The following GCN1 variants were observed in gnomAD, a reference collection of about 807,000 sequenced individuals.
The protein encoded by GCN1 is GCN1 activator of EIF2AK4.
GCN1 carries 90 observed loss-of-function variants against 288.4 expected under a neutral mutation model. The ratio of observed to expected loss-of-function variants is 0.31; its 90% CI spans 0.26 to 0.37. The LOEUF (loss-of-function observed/expected upper bound fraction) is 0.37. Ranked by LOEUF, GCN1 falls within the 10% of genes least tolerant of loss-of-function variation. The pLI, the probability that GCN1 is intolerant of heterozygous loss-of-function variation, is 1.00. For missense variants in GCN1, 2,586 were observed against 3,419.9 expected (o/e 0.76, Z 6.08); for synonymous variants, 1,386 against 1,420.2 (o/e 0.98, Z 0.54).
chr12:120,192,767 G>A (rs1001923820), intron 1 of GCN1, among the ~76,000 whole-genome samples: 1 of 151,418 alleles, frequency 6.6e-6, no homozygotes, highest in Non-Finnish European at 1.5e-5. Flanking sequence ...AGACAAGGCC[G>A]GGCATGGTGG....
Position 120,158,705 on chromosome 12 carries a change from C to T in GCN1, c.2750-90G>A, listed in dbSNP as rs1566308452. ...AAAACAGGGGACCCAGTGCCTCATC[C>T]TTCTGACTTAAAAAAATATTTCTGC... On this transcript the variant is annotated intron_variant, in intron 24 of 57. Coordinates refer to ENST00000300648, the MANE Select transcript of GCN1 (RefSeq NM_006836.2). The surrounding 1 kb of genome is among the most constrained non-coding windows in gnomAD (Gnocchi z 4.3). 3 of 1,117,790 alleles carry T rather than the reference C, an allele frequency of 2.7e-6. No individual in the cohort carries two copies. The highest frequency in any genetic ancestry group is 1.6e-5 in the South Asian group (1 of 62,078). The allele number at this position is 1,117,790 out of a possible 1,614,324, so 69.2% of individuals were successfully genotyped here.
chr12:120,176,581 A>G (rs1878488468), intron 9 of GCN1, among the ~76,000 whole-genome samples: 1 of 152,142 alleles, frequency 6.6e-6, no homozygotes, highest in Admixed American at 6.6e-5. Context: ...GGGTAAGAGG[A>G]TATTTTGTTT....
At chr12:120,183,545 A>C (rs2139140381) in intron 5 of GCN1, 24 bp downstream of exon 5, 1 of 1,376,524 alleles carries the variant, frequency 7.3e-7, no homozygotes, top group East Asian at 2.3e-5. Context: ...GACCCTTGCT[A>C]CTTCAGAGAC....
At chr12:120,136,804 G>C (rs1877019223) in intron 50 of GCN1, 72 bp from the exon 51 acceptor site, 2 of 1,124,690 alleles carry the variant, frequency 1.8e-6, no homozygotes, top group Non-Finnish European at 1.3e-6. Context: ...TGCAAGCAAA[G>C]TGGTCCTGAC....
Position 120,161,587 on chromosome 12 carries a change from A to C in GCN1, c.2343-4T>G. 6.2e-7 allele frequency: 1 copy of C among 1,607,830 alleles called. No homozygotes were observed. Among genetic ancestry groups the C allele is most frequent in the South Asian group, 1.1e-5 (1 of 90,952 alleles). ...TTTTATGCTGTCCTGCTGGGCACTG[A>C]AACACCAGAGTGGGTCATCAGCCAG... On this transcript the variant is annotated splice_polypyrimidine_tract_variant and splice_region_variant and intron_variant, in intron 21 of 57. Coordinates refer to ENST00000300648, the MANE Select transcript of GCN1 (RefSeq NM_006836.2).
intron 26 of GCN1, chr12:120,157,206 T>G (rs1877778312): frequency 4.0e-6 from 2 of 499,278 alleles, no homozygotes; most frequent in East Asian, 6.6e-5. Flanking sequence ...TTCTGAAACT[T>G]GCTTGAAATT....
Position 120,158,770 on chromosome 12 carries a change from T to C in GCN1, c.2750-155A>G, listed in dbSNP as rs1042529095. On this transcript the variant is annotated intron_variant, in intron 24 of 57. Transcript: ENST00000300648. The surrounding 1 kb of genome is among the most constrained non-coding windows in gnomAD (Gnocchi z 4.3). Reference sequence around the variant, plus strand: ...GCTGATGCCTGTAATCCCAGCACTTTGGGAGGCCGAGGCGGGCGGATCATG... The same window carrying C: ...GCTGATGCCTGTAATCCCAGCACTTCGGGAGGCCGAGGCGGGCGGATCATG... 1.3e-5 allele frequency among the ~76,000 whole-genome samples: 2 copies of C among 152,154 alleles called. No individual in the cohort carries two copies. Among genetic ancestry groups the C allele is most frequent in the Non-Finnish European group, 2.9e-5 (2 of 68,038 alleles).
chr12:120,161,628 A>G (rs1465258550), intron 21 of GCN1, 45 bp from the exon 22 acceptor site: 1 of 1,402,002 alleles, frequency 7.1e-7, no homozygotes, highest in South Asian at 1.2e-5. Context: ...AAAGCACCGC[A>G]AGTCCTGTCA....
chr12:120,168,389 T>C lies in GCN1; in HGVS notation c.1520-89A>G. 3.6e-6 allele frequency: 3 copies of C among 827,926 alleles called. No individual in the cohort carries two copies. In the East Asian group the frequency reaches 7.3e-5, roughly 20 times the overall value. 51.3% of individuals were successfully genotyped at this position (827,926 alleles called of 1,614,324 possible). On this transcript the variant is annotated intron_variant, in intron 15 of 57. Coordinates refer to ENST00000300648, the MANE Select transcript of GCN1 (RefSeq NM_006836.2). ...CATCCTGAAGCTGCTGGGGTGGGCTTTGCTGACAAACCCTCCTCTGCAGCA... is the reference window on the plus strand; with the variant it reads ...CATCCTGAAGCTGCTGGGGTGGGCTCTGCTGACAAACCCTCCTCTGCAGCA...
At position 120,153,964 on chromosome 12, in the gene GCN1, A is replaced by T. The variant is rs1206778463; in HGVS notation, c.3702-55T>A. On this transcript the variant is annotated intron_variant, in intron 31 of 57. Coordinates refer to ENST00000300648, the MANE Select transcript of GCN1 (RefSeq NM_006836.2). This position sits in a 1 kb window ranked among gnomAD's most constrained non-coding sequence, Gnocchi z 4.4. The stretch of plus-strand genomic sequence containing the variant: ...GGGCAGTCAGGGGGCCTCCTCTGCC[A>T]GTGGAACCTCTGCTGGTGCACGGCA... The T allele has an allele frequency of 4.1e-6, 6 of 1,479,512 alleles. No homozygotes were observed. In the Admixed American group the frequency reaches 1.1e-4, roughly 27 times the overall value. The allele number at this position is 1,479,512 out of a possible 1,614,324, so 91.6% of individuals were successfully genotyped here. A position where few individuals can be genotyped will look rare whatever the true frequency, so the allele number is the denominator to read the frequency against.
chr12:120,153,317 C>T lies in GCN1; in HGVS notation c.3958G>A (p.Val1320Met). 1 of 1,614,188 alleles carries T rather than the reference C, an allele frequency of 6.2e-7. No homozygotes were observed. Among genetic ancestry groups the T allele is most frequent in the Non-Finnish European group, 8.5e-7 (1 of 1,179,994 alleles). ...ASYDAVRQSV[V>M]VLMGSLAKHL... ...TTGGCCAGAGAGCCCATCAGGACCA[C>T]CACACTCTGTCGCACAGCATCATAG... The change falls in exon 33 of 58, where the codon GTG becomes ATG. Residue 1320 changes from valine (V) to methionine (M), a missense_variant. Around this residue, in one of 8 missense-constraint regions of GCN1, gnomAD observed 332 missense variants for 403.0 expected, o/e 0.82. Transcript: ENST00000300648. The surrounding 1 kb of genome is among the most constrained non-coding windows in gnomAD (Gnocchi z 4.4).
chr12:120,188,773 C>A (rs1049855622), intron 2 of GCN1, among the ~76,000 whole-genome samples: 4 of 150,360 alleles, frequency 2.7e-5, no homozygotes, highest in Admixed American at 2.0e-4. Context: ...GATATGAACC[C>A]GGGAAGCAGA....
intron 10 of GCN1, 75 bp from the exon 11 acceptor site, chr12:120,175,949 C>T (rs1304661180): frequency 2.0e-6 from 3 of 1,521,314 alleles, no homozygotes; most frequent in Non-Finnish European, 2.7e-6. Flanking sequence ...CTTTTCCATG[C>T]CCCCATCTCT....
At chr12:120,171,237 G>A (rs1002931031) in intron 14 of GCN1, among the ~76,000 whole-genome samples, 2 of 151,928 alleles carry the variant, frequency 1.3e-5, no homozygotes, top group South Asian at 2.1e-4. Context: ...AGGCTGAGGC[G>A]AGCAGATCAC....
rs989391667 is a variant in GCN1 at position 120,137,889 on chromosome 12, C to A, written c.6393+12G>T. The A allele has an allele frequency of 1.9e-6, 3 of 1,613,914 alleles. No individual in the cohort carries two copies. Among genetic ancestry groups the A allele is most frequent in the East Asian group, 2.2e-5 (1 of 44,892 alleles). ...CGGGACATGAGAAAGCAGGAGCAGG[C>A]TCGCCCCTTACCAGCTGCTCATCTG... is the stretch of plus-strand genomic sequence containing the variant. On this transcript the variant is annotated intron_variant, in intron 48 of 57. Coordinates refer to ENST00000300648, the MANE Select transcript of GCN1 (RefSeq NM_006836.2). The surrounding 1 kb of genome is among the most constrained non-coding windows in gnomAD (Gnocchi z 5.2).
At chr12:120,170,719 T>C (rs1878287661) in intron 14 of GCN1, among the ~76,000 whole-genome samples, 1 of 152,032 alleles carries the variant, frequency 6.6e-6, no homozygotes, top group African/African-American at 2.4e-5. Context: ...GGTGTGTTGC[T>C]CAAGGTCACA....
chr12:120,169,276 CAAAAAAAA>C lies in GCN1; in HGVS notation c.1519+885_1519+892del, dbSNP rs35819206. ...TGGGCGACAGAGCGAAACTCCGTCT[CAAAAAAAA>C]AAAAAAAAAAAGAAAAAAAAAAAAG... On this transcript the variant is annotated intron_variant, in intron 15 of 57. Coordinates refer to ENST00000300648, the MANE Select transcript of GCN1 (RefSeq NM_006836.2). 6.0e-5 allele frequency among the ~76,000 whole-genome samples: 4 copies of C among 66,674 alleles called. No homozygotes were observed. The South Asian group carries it at 1.6e-3, about 27-fold the overall frequency. 43.7% of individuals were successfully genotyped at this position (66,674 alleles called of 152,430 possible). A position where few individuals can be genotyped will look rare whatever the true frequency, so the allele number is the denominator to read the frequency against.
Position 120,158,466 on chromosome 12 carries a change from C to G in GCN1, c.2899G>C (p.Glu967Gln). 6.4e-7 allele frequency: 1 copy of G among 1,550,580 alleles called. No individual in the cohort carries two copies. Among genetic ancestry groups the G allele is most frequent in the Non-Finnish European group, 8.7e-7 (1 of 1,146,584 alleles). Residue 967 changes from glutamate to glutamine, a missense_variant, in exon 25 of 58, where the codon GAG (glutamate) becomes CAG (glutamine). Physicochemically the swap from Glu to Gln is conservative, Grantham distance 29. Coordinates refer to ENST00000300648, the MANE Select transcript of GCN1 (RefSeq NM_006836.2). The surrounding 1 kb of genome is among the most constrained non-coding windows in gnomAD (Gnocchi z 4.3). ...HTITSRVGKG[E>Q]PGAAPLSAPA... Reference sequence around the variant, plus strand: ...ATCCCGTCCCAGCCCTTACCTGGCTCCCCCTTGCCCACCCTGCTGGTGATG... The same window carrying G: ...ATCCCGTCCCAGCCCTTACCTGGCTGCCCCTTGCCCACCCTGCTGGTGATG...
chr12:120,156,557 A>G lies in GCN1; in HGVS notation c.3216T>C (p.Gly1072=), dbSNP rs201075395. The G allele has an allele frequency of 2.2e-5, 35 of 1,613,874 alleles. No individual in the cohort carries two copies. Among genetic ancestry groups the G allele is most frequent in the Admixed American group, 2.2e-4 (13 of 60,010 alleles). Reference sequence around the variant, plus strand: ...GCTCTGCAAAGGCACAGCCATCATCACCACTGCTGCTGGCACACAGGGTGG... The same window carrying G: ...GCTCTGCAAAGGCACAGCCATCATCGCCACTGCTGCTGGCACACAGGGTGG... ...TLTTLCASSS[G]DDGCAFAEQE... Residue 1072 remains glycine, a synonymous_variant, in exon 28 of 58, where the codon GGT becomes GGC. Transcript: ENST00000300648. The surrounding 1 kb of genome is among the most constrained non-coding windows in gnomAD (Gnocchi z 5.8).
Sources: allele counts gnomAD v4.1 joint callset (sites outside exome capture counted in the v4.1 genomes callset), GRCh38; gene constraint gnomAD v4.1.1; regional missense constraint gnomAD v4.1.1; non-coding constraint Gnocchi (gnomAD v3.1); transcripts MANE v1.5; gene names NCBI Gene and HGNC (gene_info 2026-07-23, HGNC 2026-07-21).